C8orf34: variants seen among roughly 807,000 people sequenced by gnomAD.
C8orf34 encodes the protein uncharacterized protein C8orf34.
In C8orf34, 65 loss-of-function variants were observed where a neutral mutation model predicts 68.3. The observed-to-expected ratio is 0.95, with a 90% CI of 0.78 to 1.17. The LOEUF (loss-of-function observed/expected upper bound fraction) is 1.17. C8orf34 is among the 50% of genes most tolerant of loss of function. The probability of loss-of-function intolerance (pLI) is 0.00; values close to 1 mark genes in which losing one functional copy is unlikely to be tolerated. For synonymous variants in C8orf34, 244 were observed against 241.2 expected, an observed-to-expected ratio of 1.01 and a Z score of -0.11; for missense variants, 664 against 655.4, an observed-to-expected ratio of 1.01 and a Z score of -0.14.
intron 7 of C8orf34, among the ~76,000 whole-genome samples, chr8:68,565,215 G>C (rs776588914): frequency 6.6e-6 from 1 of 152,002 alleles, no homozygotes; most frequent in Admixed American, 6.5e-5. Context: ...TTTTGGGTTT[G>C]TCTCTAGCAC....
At chr8:68,527,744 G>A (rs1194912570) in intron 6 of C8orf34, among the ~76,000 whole-genome samples, 3 of 152,104 alleles carry the variant, frequency 2.0e-5, no homozygotes, top group Non-Finnish European at 4.4e-5. Flanking sequence ...TAAGAATCCT[G>A]TTATTAAGCT....
Position 68,465,516 on chromosome 8 carries a change from G to A in C8orf34, c.608-3176G>A, listed in dbSNP as rs546889210. On this transcript the variant is annotated intron_variant, in intron 3 of 13. Transcript: ENST00000518698. ...CACATGCACACGTATGTTTATTGCA[G>A]CACTATTCACAATAGCAAAGTCTTG... Among the ~76,000 whole-genome samples, 9 of 152,094 alleles carry A rather than the reference G, an allele frequency of 5.9e-5. 1 individual carries two copies. In the South Asian group the frequency reaches 1.9e-3, roughly 32 times the overall value.
At chr8:68,652,818 G>A (rs565144176) in intron 8 of C8orf34, among the ~76,000 whole-genome samples, 47 of 152,204 alleles carry the variant, frequency 3.1e-4, no homozygotes, top group Non-Finnish European at 3.4e-4. Context: ...GTTCCTACTA[G>A]CAAAAATGTA....
At chr8:68,564,217 A>C (rs1816518312) in intron 7 of C8orf34, among the ~76,000 whole-genome samples, 1 of 152,196 alleles carries the variant, frequency 6.6e-6, no homozygotes, top group Non-Finnish European at 1.5e-5. Flanking sequence ...GTTTTTGTAA[A>C]TCTTGCAAAA....
chr8:68,409,473 GT>G, intron 1 of C8orf34, among the ~76,000 whole-genome samples: 1 of 152,196 alleles, frequency 6.6e-6, no homozygotes, highest in East Asian at 1.9e-4. Context: ...AAATTAAAAA[GT>G]TTAAAAATAG....
rs1329460495 is a variant in C8orf34, at chr8:68,731,415, T to C, written c.1404+9978T>C. 7.2e-5 allele frequency among the ~76,000 whole-genome samples: 11 copies of C among 151,770 alleles called. 1 individual carries two copies. Among genetic ancestry groups the C allele is most frequent in the Non-Finnish European group, 2.9e-5 (2 of 67,938 alleles). On this transcript the variant is annotated intron_variant, in intron 10 of 13. Transcript: ENST00000518698. ...CCTGATATTATGTTGACCTAATATG[T>C]ATATTAAAAGAACATTTGGAAAATG...
chr8:68,689,106 A>T (rs1820611750), intron 8 of C8orf34, among the ~76,000 whole-genome samples: 1 of 152,120 alleles, frequency 6.6e-6, no homozygotes, highest in Non-Finnish European at 1.5e-5. Context: ...ACTCAGATGG[A>T]GCTGGAGGTC....
intron 1 of C8orf34, among the ~76,000 whole-genome samples, chr8:68,409,031 C>A (rs543053441): frequency 6.6e-6 from 1 of 152,186 alleles, no homozygotes; most frequent in Non-Finnish European, 1.5e-5. Flanking sequence ...TCATGATACA[C>A]CCGCCTTGGC....
In C8orf34 at chr8:68,787,485, A is replaced by G; in HGVS notation, c.1498A>G (p.Ile500Val). ...KQLQVVHQPW[I>V]LPSDTESEGV... is the part of the protein sequence containing the mutation. ...ATTGCAGGTAGTTCATCAACCATGG[A>G]TCTTGCCAAGTGACACAGAAAGTGA... The change falls in exon 12 of 14, where the codon ATC (isoleucine) becomes GTC (valine). Residue 500 changes from isoleucine to valine, a missense_variant. Transcript: ENST00000518698. 1 of 1,612,956 alleles carries G rather than the reference A, an allele frequency of 6.2e-7. No homozygotes were observed. The highest frequency in any genetic ancestry group is 8.5e-7 in the Non-Finnish European group (1 of 1,179,268).
intron 7 of C8orf34, among the ~76,000 whole-genome samples, chr8:68,539,163 T>A (rs1586344694): frequency 6.6e-6 from 1 of 152,320 alleles, no homozygotes; most frequent in East Asian, 1.9e-4. Context: ...TACATATTAT[T>A]AAGGTATTGT....
chr8:68,332,109 G>A (rs932289519), intron 1 of C8orf34, among the ~76,000 whole-genome samples: 30 of 151,482 alleles, frequency 2.0e-4, no homozygotes, highest in African/African-American at 7.0e-4. Flanking sequence ...TCTCTCTCTC[G>A]CCATTAAAGA....
chr8:68,405,016 A>G (rs1809131586), intron 1 of C8orf34, among the ~76,000 whole-genome samples: 1 of 152,114 alleles, frequency 6.6e-6, no homozygotes, highest in Non-Finnish European at 1.5e-5. Flanking sequence ...ATGTTTTTCC[A>G]TTTGTTTGTG....
chr8:68,381,176 C>T (rs1332472431), intron 1 of C8orf34, among the ~76,000 whole-genome samples: 1 of 152,132 alleles, frequency 6.6e-6, no homozygotes, highest in Non-Finnish European at 1.5e-5. Flanking sequence ...TTATCTGAAG[C>T]AGGAAGACTA....
intron 5 of C8orf34, among the ~76,000 whole-genome samples, chr8:68,510,839 A>G (rs1563496340): frequency 6.6e-6 from 1 of 152,156 alleles, no homozygotes; most frequent in Non-Finnish European, 1.5e-5. Context: ...GTATTCTCCA[A>G]TACCTGTGAG....
At chr8:68,566,484 C>T (rs766178264) in intron 7 of C8orf34, among the ~76,000 whole-genome samples, 4 of 152,236 alleles carry the variant, frequency 2.6e-5, no homozygotes, top group Non-Finnish European at 4.4e-5. Flanking sequence ...TAACTTGCTG[C>T]AGCTTCTACA....
At chr8:68,493,020 G>A (rs1432593499) in intron 5 of C8orf34, among the ~76,000 whole-genome samples, 4 of 152,152 alleles carry the variant, frequency 2.6e-5, no homozygotes, top group Non-Finnish European at 5.9e-5. Context: ...TAAAACTAAC[G>A]TTAATTTCCC....
rs529222572 is a variant in C8orf34, at chr8:68,362,521, G to A, written c.327+31182G>A. On this transcript the variant is annotated intron_variant, in intron 1 of 13. Coordinates refer to ENST00000518698, the MANE Select transcript of C8orf34 (RefSeq NM_052958.4). ...CATTTCCATCTGAGCTTTGAAGAGA[G>A]CAGTGGTTCTCCCAGCACGCGGCTG... 7.8e-4 allele frequency among the ~76,000 whole-genome samples: 119 copies of A among 152,152 alleles called. 1 individual carries two copies. Among genetic ancestry groups the A allele is most frequent in the Non-Finnish European group, 1.1e-3 (76 of 68,026 alleles).
Position 68,752,993 on chromosome 8 carries a change from T to A in C8orf34, c.1405-23406T>A, listed in dbSNP as rs76520561. Among the ~76,000 whole-genome samples, 823 of 152,264 alleles carry A rather than the reference T, an allele frequency of 5.4e-3. 10 individuals are homozygous for A. The highest frequency in any genetic ancestry group is 0.018 in the African/African-American group (730 of 41,540). ...GTAGGTCTTTTTGAGAATCGTATGG[T>A]TCTAATTTCCTCCCAATCCACCAGA... On this transcript the variant is annotated intron_variant, in intron 10 of 13. Transcript: ENST00000518698.
At chr8:68,545,106 A>G (rs1406351345) in intron 7 of C8orf34, among the ~76,000 whole-genome samples, 1 of 152,108 alleles carries the variant, frequency 6.6e-6, no homozygotes, top group Middle Eastern at 3.2e-3. Flanking sequence ...CCAAATCTCA[A>G]CTTGAATTGT....
Sources: allele counts gnomAD v4.1 joint callset (sites outside exome capture counted in the v4.1 genomes callset), GRCh38; gene constraint gnomAD v4.1.1; transcripts MANE v1.5; gene names NCBI Gene and HGNC (gene_info 2026-07-23, HGNC 2026-07-21).